ANKRD26: variants seen among roughly 807,000 people sequenced by gnomAD.
ANKRD26 encodes the protein ankyrin repeat domain 26.
A neutral mutation model predicts 208.7 loss-of-function variants in ANKRD26; 141 were observed. The ratio of observed to expected loss-of-function variants is 0.68; its 90% CI spans 0.59 to 0.78. ANKRD26 has a LOEUF of 0.78. ANKRD26 is among the 30% of genes least tolerant of loss of function. The pLI is 0.00. For synonymous variants in ANKRD26, 636 were observed against 660.4 expected, an observed-to-expected ratio of 0.96 and a Z score of 0.57; for missense variants, 1,889 against 1,938.7, an observed-to-expected ratio of 0.97 and a Z score of 0.48.
At chr10:27,052,520 G>C (rs1158053469) in intron 16 of ANKRD26, among the ~76,000 whole-genome samples, 2 of 151,882 alleles carry the variant, frequency 1.3e-5, no homozygotes, top group Non-Finnish European at 2.9e-5. Context: ...AAATTATTAG[G>C]AGCCAAAATA....
At chr10:26,980,070 C>T (rs762029439) in intron 5 of ANKRD26, among the ~76,000 whole-genome samples, 27 of 152,152 alleles carry the variant, frequency 1.8e-4, no homozygotes, top group Non-Finnish European at 2.9e-4. Flanking sequence ...TGAAAGTTTG[C>T]ATTTAATAAG....
intron 5 of ANKRD26, among the ~76,000 whole-genome samples, chr10:26,980,232 T>C (rs1589162463): frequency 6.6e-6 from 1 of 152,246 alleles, no homozygotes; most frequent in African/African-American, 2.4e-5. Context: ...TTTGGAATGC[T>C]GAAGGAATTA....
rs763260550 is a variant in ANKRD26 at position 27,034,792 on chromosome 10, T to G, written c.3654+4A>C. The G allele has an allele frequency of 1.3e-6, 2 of 1,587,386 alleles. No individual in the cohort carries two copies. The highest frequency in any genetic ancestry group is 2.7e-5 in the African/African-American group (2 of 74,350). ...GAAAAATATTTATCTTTCTTGATAC[T>G]TACTTCTCTTTCTGCCTTTTCATTT... On this transcript the variant is annotated splice_donor_region_variant and intron_variant, in intron 24 of 33. Coordinates refer to ENST00000376087, the MANE Select transcript of ANKRD26 (RefSeq NM_014915.3).
downstream of ANKRD26, among the ~76,000 whole-genome samples, chr10:26,989,911 G>A (rs898429255): frequency 6.6e-6 from 1 of 152,006 alleles, no homozygotes; most frequent in Admixed American, 6.6e-5. Context: ...GGAGGTGAAG[G>A]AAGCACCAAG....
In ANKRD26 at chr10:27,004,887, A is replaced by G; in HGVS notation, c.*703T>C. The G allele has an allele frequency of 3.8e-6, 1 of 264,834 alleles. No individual in the cohort carries two copies. Among genetic ancestry groups the G allele is most frequent in the Non-Finnish European group, 5.8e-6 (1 of 171,308 alleles). 16.4% of individuals were successfully genotyped at this position (264,834 alleles called of 1,614,324 possible). A position where few individuals can be genotyped will look rare whatever the true frequency, so the allele number is the denominator to read the frequency against. ...AGAATGTATTAATGTTGACTTTCTG[A>G]TTGCAAGGTTTGCACTGTAGTTATG... On this transcript the variant is annotated 3_prime_UTR_variant, in exon 34 of 34. Coordinates refer to ENST00000376087, the MANE Select transcript of ANKRD26 (RefSeq NM_014915.3).
intron 3 of ANKRD26, among the ~76,000 whole-genome samples, chr10:26,984,741 T>C (rs185654919): frequency 7.9e-5 from 12 of 152,288 alleles, no homozygotes; most frequent in Admixed American, 5.9e-4. Flanking sequence ...TATAATTGTA[T>C]AAGGGTATAG....
rs574433218 is a variant in ANKRD26, at chr10:27,005,206, C to T, written c.*384G>A. The T allele has an allele frequency of 1.2e-5, 12 of 996,212 alleles. No individual in the cohort carries two copies. The South Asian group carries it at 4.0e-4, about 33-fold the overall frequency. 61.7% of individuals were successfully genotyped at this position (996,212 alleles called of 1,614,324 possible). On this transcript the variant is annotated 3_prime_UTR_variant, in exon 34 of 34. Coordinates refer to ENST00000376087, the MANE Select transcript of ANKRD26 (RefSeq NM_014915.3). Reference sequence around the variant, plus strand: ...CAATTGTAATACATCCAAACATGAACAATGACCACAGTTCCTGCACAACAA... The same window carrying T: ...CAATTGTAATACATCCAAACATGAATAATGACCACAGTTCCTGCACAACAA...
chr10:27,075,638 C>A (rs1433746669), intron 9 of ANKRD26, among the ~76,000 whole-genome samples: 1 of 152,044 alleles, frequency 6.6e-6, no homozygotes, highest in Non-Finnish European at 1.5e-5. Context: ...AAGAGATAGC[C>A]ACACAATAAT....
chr10:27,022,770 C>G (rs2053533321), intron 28 of ANKRD26, 83 bp from the exon 29 acceptor site: 1 of 1,293,042 alleles, frequency 7.7e-7, no homozygotes, highest in Non-Finnish European at 1.1e-6. Flanking sequence ...TATGTTTTAG[C>G]ATGTAAGAAA....
At chr10:26,951,342 T>C in the ANKRD26 span, among the ~76,000 whole-genome samples, 2 of 152,202 alleles carry the variant, frequency 1.3e-5, no homozygotes, top group Admixed American at 6.5e-5. Flanking sequence ...ACTTACGTTA[T>C]TTAATTAAAT....
chr10:27,014,616 T>C lies in ANKRD26; in HGVS notation c.4602A>G (p.Glu1534=), dbSNP rs370293927. Residue 1534 remains glutamate (E), a synonymous_variant, in exon 31 of 34, where the codon GAA becomes GAG. Transcript: ENST00000376087. ...SQMELRIKDL[E]SELSKIKTSQ... is the part of the protein sequence containing the mutation. ...AAGTTTTTATTTTGGAGAGTTCAGA[T>C]TCCAGATCTTTAATTCTGAGTTCCA... is the stretch of plus-strand genomic sequence containing the variant. 20 of 1,612,890 alleles carry C rather than the reference T, an allele frequency of 1.2e-5. No homozygotes were observed. The highest frequency in any genetic ancestry group is 1.6e-5 in the Non-Finnish European group (19 of 1,179,484).
At chr10:27,016,702 T>A (rs753165356) in intron 30 of ANKRD26, among the ~76,000 whole-genome samples, 6 of 152,026 alleles carry the variant, frequency 3.9e-5, no homozygotes, top group Non-Finnish European at 8.8e-5. Flanking sequence ...TGTTCTCTGT[T>A]GAGAGGGTGG....
chr10:27,062,928 T>C (rs2055113650), intron 12 of ANKRD26, among the ~76,000 whole-genome samples: 1 of 151,998 alleles, frequency 6.6e-6, no homozygotes, highest in South Asian at 2.1e-4. Flanking sequence ...CCACCATGCC[T>C]GGCTAATGTT....
intron 12 of ANKRD26, among the ~76,000 whole-genome samples, chr10:27,063,493 G>T (rs1237852268): frequency 6.6e-6 from 1 of 151,798 alleles, no homozygotes; most frequent in Non-Finnish European, 1.5e-5. Context: ...GCTAATTTTT[G>T]TATTTTTAGT....
At chr10:27,053,988 T>C (rs2054754338) in intron 15 of ANKRD26, among the ~76,000 whole-genome samples, 1 of 152,234 alleles carries the variant, frequency 6.6e-6, no homozygotes, top group African/African-American at 2.4e-5. Context: ...AAATGTTTTC[T>C]GCTATTTTGA....
chr10:27,079,299 A>G, intron 6 of ANKRD26, 138 bp from the exon 7 acceptor site: 1 of 707,176 alleles, frequency 1.4e-6, no homozygotes. Context: ...TGCATATTAA[A>G]TGATGTTTCT....
Position 27,037,985 on chromosome 10 carries a change from C to T in ANKRD26, c.2445G>A (p.Gln815=), listed in dbSNP as rs1221263683. The T allele has an allele frequency of 8.7e-6, 14 of 1,612,980 alleles. No individual in the cohort carries two copies. Among genetic ancestry groups the T allele is most frequent in the Non-Finnish European group, 1.2e-5 (14 of 1,179,738 alleles). ...TATATTGCTCTTCTTTTCTTCTTAA[C>T]TGTTCCCTAATTTTTTCATACAACG... The part of the protein sequence containing the change: ...ADTLYEKIRE[Q]LRRKEEQYRK... The change falls in exon 22 of 34, where the codon CAG becomes CAA. Residue 815 remains glutamine, a synonymous_variant. Coordinates refer to ENST00000376087, the MANE Select transcript of ANKRD26 (RefSeq NM_014915.3).
intron 15 of ANKRD26, among the ~76,000 whole-genome samples, chr10:27,057,162 T>C (rs867985253): frequency 5.5e-4 from 84 of 152,338 alleles, no homozygotes; most frequent in African/African-American, 1.9e-3. Flanking sequence ...TAATATAGGT[T>C]TGACTAACTT....
intron 4 of ANKRD26, among the ~76,000 whole-genome samples, chr10:26,996,637 A>G (rs1171386990): frequency 6.6e-6 from 1 of 152,210 alleles, no homozygotes. Flanking sequence ...GGTACAGGGA[A>G]TAATGAGATA....
Sources: allele counts gnomAD v4.1 joint callset (sites outside exome capture counted in the v4.1 genomes callset), GRCh38; gene constraint gnomAD v4.1.1; transcripts MANE v1.5; gene names NCBI Gene and HGNC (gene_info 2026-07-23, HGNC 2026-07-21).